Variants in FHAD1 observed in about 807,000 individuals in gnomAD.
FHAD1 encodes the protein forkhead associated phosphopeptide binding domain 1.
A neutral mutation model predicts 191.3 loss-of-function variants in FHAD1; 146 were observed. The ratio of observed to expected loss-of-function variants is 0.76; its 90% CI spans 0.67 to 0.88. The LOEUF is 0.88. Ranked by LOEUF, FHAD1 falls within the 40% of genes least tolerant of loss-of-function variation. The pLI, the probability that FHAD1 is intolerant of heterozygous loss-of-function variation, is 0.00. For synonymous variants in FHAD1, 616 were observed against 672.3 expected (o/e 0.92, Z 1.29); for missense variants, 1,635 against 1,785.8 (o/e 0.92, Z 1.52).
intron 1 of FHAD1, among the ~76,000 whole-genome samples, chr1:15,248,409 T>C (rs919878767): frequency 6.6e-6 from 1 of 152,068 alleles, no homozygotes; most frequent in African/African-American, 2.4e-5. Context: ...CATGTTTGCG[T>C]TGGTTCCCCT....
intron 33 of FHAD1, among the ~76,000 whole-genome samples, chr1:15,392,581 C>A (rs1704454318): frequency 6.6e-6 from 1 of 152,046 alleles, no homozygotes; most frequent in African/African-American, 2.4e-5. Flanking sequence ...AGCTTGGGGT[C>A]TCCGTCCTCT....
chr1:15,391,149 T>C, intron 32 of FHAD1, 61 bp from the exon 33 acceptor site: 2 of 983,830 alleles, frequency 2.0e-6, no homozygotes, highest in Non-Finnish European at 1.3e-6. Flanking sequence ...CATTTTTCTT[T>C]GATGCAAAAG....
chr1:15,289,841 TTA>T lies in FHAD1; in HGVS notation c.568+177_568+178del, dbSNP rs1033137346. On this transcript the variant is annotated intron_variant, in intron 4 of 33. Coordinates refer to ENST00000688493, the MANE Select transcript of FHAD1 (RefSeq NM_001391957.1). The surrounding 1 kb of genome is among the most constrained non-coding windows in gnomAD (Gnocchi z 4.2). ...ACAGTTAAAAAATCAGCCGTAATCCTTATCCCCAGGGTCTCCCTATTGACTCT... is the reference window on the plus strand; with the variant it reads ...ACAGTTAAAAAATCAGCCGTAATCCTTCCCCAGGGTCTCCCTATTGACTCT... Among the ~76,000 whole-genome samples the T allele has an allele frequency of 1.7e-4, 26 of 152,224 alleles. No individual in the cohort carries two copies. Among genetic ancestry groups the T allele is most frequent in the Admixed American group, 1.2e-3 (18 of 15,282 alleles).
intron 4 of FHAD1, among the ~76,000 whole-genome samples, chr1:15,293,119 C>G (rs1460481566): frequency 6.6e-6 from 1 of 152,118 alleles, no homozygotes; most frequent in Non-Finnish European, 1.5e-5. Context: ...GGCTGCCACT[C>G]AATGAAATGC....
At chr1:15,395,937 A>T (rs1224281173) in intron 33 of FHAD1, among the ~76,000 whole-genome samples, 1 of 152,180 alleles carries the variant, frequency 6.6e-6, no homozygotes, top group Non-Finnish European at 1.5e-5. Context: ...AGACACATTC[A>T]AGTCAGTAAC....
chr1:15,257,594 G>A (rs1047601143), intron 2 of FHAD1, among the ~76,000 whole-genome samples: 1 of 152,156 alleles, frequency 6.6e-6, no homozygotes, highest in African/African-American at 2.4e-5. Flanking sequence ...GCTCTGTGAT[G>A]TGCCTCGTCT....
At chr1:15,258,108 C>A (rs886265786) in intron 2 of FHAD1, among the ~76,000 whole-genome samples, 1 of 152,180 alleles carries the variant, frequency 6.6e-6, no homozygotes, top group African/African-American at 2.4e-5. Context: ...TCCCAAAGTG[C>A]TGGGCTTACA....
intron 13 of FHAD1, chr1:15,328,672 A>C (rs1419654337): frequency 2.7e-6 from 1 of 366,976 alleles, no homozygotes; most frequent in Non-Finnish European, 4.8e-6. Context: ...ACTGACTTTG[A>C]GCGGCCCGCA....
At chr1:15,288,891 G>A (rs1469891045) in intron 3 of FHAD1, among the ~76,000 whole-genome samples, 1 of 152,220 alleles carries the variant, frequency 6.6e-6, no homozygotes, top group East Asian at 1.9e-4. Context: ...CTCAATGGTG[G>A]TGTGATCGTG....
intron 10 of FHAD1, among the ~76,000 whole-genome samples, chr1:15,322,106 G>C (rs1181854907): frequency 6.6e-6 from 1 of 152,090 alleles, no homozygotes; most frequent in Non-Finnish European, 1.5e-5. Context: ...ATGTATCTAG[G>C]TGTGAATTCA....
intron 19 of FHAD1, among the ~76,000 whole-genome samples, chr1:15,351,409 G>A (rs1320264796): frequency 6.6e-6 from 1 of 152,136 alleles, no homozygotes; most frequent in Admixed American, 6.6e-5. Context: ...AGTGGGCAGG[G>A]TTTGAATCAG....
At chr1:15,298,191 T>C (rs2100817983) in intron 5 of FHAD1, among the ~76,000 whole-genome samples, 1 of 152,348 alleles carries the variant, frequency 6.6e-6, no homozygotes, top group East Asian at 1.9e-4. Flanking sequence ...TGGAATACTA[T>C]GCAGCCATAA....
At chr1:15,309,739 CCTT>C (rs1026097093) in intron 7 of FHAD1, among the ~76,000 whole-genome samples, 6 of 152,012 alleles carry the variant, frequency 3.9e-5, no homozygotes, top group African/African-American at 9.7e-5. Flanking sequence ...GGCCCAAGAC[CCTT>C]CTTCTTCTTC....
chr1:15,356,835 G>A (rs1474790845), intron 20 of FHAD1, among the ~76,000 whole-genome samples: 1 of 150,002 alleles, frequency 6.7e-6, no homozygotes, highest in Non-Finnish European at 1.5e-5. Flanking sequence ...TCATTCCACT[G>A]CACTCCAGCC....
At chr1:15,246,085 A>G (rs1645993979), upstream of FHAD1, among the ~76,000 whole-genome samples, 1 of 152,234 alleles carries the variant, frequency 6.6e-6, no homozygotes, top group Admixed American at 6.5e-5. Flanking sequence ...ACTTACAGTT[A>G]TGGCGGAAGG....
chr1:15,240,574 T>C (rs1473492820), intron 1 of FHAD1, among the ~76,000 whole-genome samples: 1 of 142,124 alleles, frequency 7.0e-6, no homozygotes, highest in Admixed American at 7.5e-5. Context: ...AAGGCTGCAG[T>C]GAGTTACGAT....
At chr1:15,256,329 G>C (rs114116620) in intron 2 of FHAD1, among the ~76,000 whole-genome samples, 3,143 of 152,224 alleles carry the variant, frequency 0.021, 111 homozygotes, top group African/African-American at 0.07. Flanking sequence ...TGCTCTGCAG[G>C]TTCAGGTGAG....
At chr1:15,293,389 T>C (rs1359310448) in intron 4 of FHAD1, among the ~76,000 whole-genome samples, 1 of 152,228 alleles carries the variant, frequency 6.6e-6, no homozygotes, top group African/African-American at 2.4e-5. Context: ...ACTCTGCATA[T>C]TTCTGAGATT....
At chr1:15,341,937 G>A (rs745878438) in intron 16 of FHAD1, 49 bp downstream of exon 16, 1 of 1,514,014 alleles carries the variant, frequency 6.6e-7, no homozygotes, top group Non-Finnish European at 8.9e-7. Flanking sequence ...TGATGAAATG[G>A]CCTTTTCTAT....
Sources: allele counts gnomAD v4.1 joint callset (sites outside exome capture counted in the v4.1 genomes callset), GRCh38; gene constraint gnomAD v4.1.1; non-coding constraint Gnocchi (gnomAD v3.1); transcripts MANE v1.5; gene names NCBI Gene and HGNC (gene_info 2026-07-23, HGNC 2026-07-21).